The following ATRNL1 variants were observed in gnomAD, a reference collection of about 807,000 sequenced individuals.
The protein encoded by ATRNL1 is attractin like 1.
A neutral mutation model predicts 182.7 loss-of-function variants in ATRNL1; 95 were observed. That is an observed-to-expected ratio of 0.52 (90% CI 0.44 to 0.62). The LOEUF is 0.62. Ranked by LOEUF, ATRNL1 falls within the 20% of genes least tolerant of loss-of-function variation. The probability of loss-of-function intolerance (pLI) is 0.00; values close to 1 mark genes in which losing one functional copy is unlikely to be tolerated. For missense variants in ATRNL1, 1,471 were observed against 1,679.5 expected, an observed-to-expected ratio of 0.88 and a Z score of 2.17; for synonymous variants, 576 against 568.3, an observed-to-expected ratio of 1.01 and a Z score of -0.19.
At chr10:115,713,545 T>G (rs1403452230) in intron 26 of ATRNL1, among the ~76,000 whole-genome samples, 3 of 151,790 alleles carry the variant, frequency 2.0e-5, no homozygotes, top group Non-Finnish European at 2.9e-5. Context: ...AAATTTTAGG[T>G]AAAGGAACTA....
chr10:115,306,796 CT>C (rs1271850105), intron 17 of ATRNL1, among the ~76,000 whole-genome samples: 1 of 151,740 alleles, frequency 6.6e-6, no homozygotes, highest in African/African-American at 2.4e-5. Flanking sequence ...TCCTTTGAGA[CT>C]TTTTATTTAT....
chr10:115,934,367 C>A (rs1481740726), intron 28 of ATRNL1, among the ~76,000 whole-genome samples: 2 of 152,164 alleles, frequency 1.3e-5, no homozygotes, highest in African/African-American at 4.8e-5. Flanking sequence ...ACTCCCAATT[C>A]TGCATCTCTG....
At chr10:115,720,298 T>C (rs2134041795) in intron 26 of ATRNL1, among the ~76,000 whole-genome samples, 1 of 152,264 alleles carries the variant, frequency 6.6e-6, no homozygotes, top group South Asian at 2.1e-4. Context: ...TTGTCTCCCA[T>C]GATGTTTAAG....
In ATRNL1 at chr10:115,532,339, C is replaced by A. The variant is rs1408946898; in HGVS notation, c.3716+13015C>A. 3.3e-5 allele frequency among the ~76,000 whole-genome samples: 5 copies of A among 152,044 alleles called. No individual in the cohort carries two copies. In the East Asian group the frequency reaches 9.6e-4, roughly 29 times the overall value. On this transcript the variant is annotated intron_variant, in intron 25 of 28. Coordinates refer to ENST00000355044, the MANE Select transcript of ATRNL1 (RefSeq NM_207303.4). Reference sequence around the variant, plus strand: ...GTTTGTAGTTCTCCTTGAAGAGGTCCTTCACATCCCTTGTAAGTTGGATTC... The same window carrying A: ...GTTTGTAGTTCTCCTTGAAGAGGTCATTCACATCCCTTGTAAGTTGGATTC...
intron 26 of ATRNL1, among the ~76,000 whole-genome samples, chr10:115,696,865 C>G (rs1459032777): frequency 1.5e-5 from 2 of 133,512 alleles, no homozygotes; most frequent in Non-Finnish European, 3.1e-5. Context: ...CATCACATAT[C>G]AGAGCGAGAG....
chr10:115,375,288 C>A (rs1378853544), intron 19 of ATRNL1, among the ~76,000 whole-genome samples: 7 of 151,742 alleles, frequency 4.6e-5, no homozygotes, highest in Admixed American at 3.9e-4. Context: ...GATATAGCCA[C>A]CCCTGATCTC....
chr10:115,386,021 A>C (rs1858327495), intron 19 of ATRNL1, among the ~76,000 whole-genome samples: 1 of 151,912 alleles, frequency 6.6e-6, no homozygotes, highest in African/African-American at 2.4e-5. Flanking sequence ...TCTTTTTTAA[A>C]TGCTTTTTTT....
At chr10:115,525,274 C>A (rs1851150956) in intron 25 of ATRNL1, among the ~76,000 whole-genome samples, 1 of 152,170 alleles carries the variant, frequency 6.6e-6, no homozygotes, top group Non-Finnish European at 1.5e-5. Context: ...ATAATCCCTA[C>A]AACTCTTTGT....
intron 20 of ATRNL1, among the ~76,000 whole-genome samples, chr10:115,412,059 T>C (rs1351387997): frequency 6.6e-6 from 1 of 152,166 alleles, no homozygotes; most frequent in Non-Finnish European, 1.5e-5. Flanking sequence ...ATATTACTCC[T>C]ATTATTTTGT....
At chr10:115,923,304 G>T (rs1440341070) in intron 28 of ATRNL1, among the ~76,000 whole-genome samples, 2 of 152,134 alleles carry the variant, frequency 1.3e-5, no homozygotes, top group African/African-American at 4.8e-5. Context: ...TTTACTTTAA[G>T]TTCTGGGACA....
intron 26 of ATRNL1, among the ~76,000 whole-genome samples, chr10:115,611,576 GAAAT>G (rs1555019010): frequency 6.6e-6 from 1 of 151,858 alleles, no homozygotes; most frequent in African/African-American, 2.4e-5. Context: ...TTGTAGTGAG[GAAAT>G]AAATATTTTT....
At chr10:115,351,636 C>T (rs1856255422) in intron 19 of ATRNL1, among the ~76,000 whole-genome samples, 1 of 152,042 alleles carries the variant, frequency 6.6e-6, no homozygotes, top group Non-Finnish European at 1.5e-5. Context: ...TACTTCATTA[C>T]GATGAATGAT....
chr10:115,580,943 A>G (rs1273050787), intron 26 of ATRNL1, among the ~76,000 whole-genome samples: 4 of 152,086 alleles, frequency 2.6e-5, no homozygotes, highest in African/African-American at 9.7e-5. Context: ...CTTGTCATGC[A>G]TTGTTTCCCT....
At chr10:115,357,352 A>G (rs79300146) in intron 19 of ATRNL1, among the ~76,000 whole-genome samples, 7 of 151,824 alleles carry the variant, frequency 4.6e-5, no homozygotes, top group African/African-American at 1.7e-4. Flanking sequence ...TATTTGTACA[A>G]TTTTTTCAAA....
chr10:115,940,649 G>A (rs1332285027), intron 28 of ATRNL1, among the ~76,000 whole-genome samples: 1 of 151,660 alleles, frequency 6.6e-6, no homozygotes, highest in Non-Finnish European at 1.5e-5. Flanking sequence ...AACAAAGTGT[G>A]CTGAAAGGCA....
chr10:115,359,044 T>A (rs370547301), intron 19 of ATRNL1, among the ~76,000 whole-genome samples: 3 of 151,664 alleles, frequency 2.0e-5, no homozygotes, highest in Admixed American at 6.6e-5. Context: ...GCCTTTGAAC[T>A]CAAATTACTC....
chr10:115,482,843 T>C (rs1848834223), intron 24 of ATRNL1, among the ~76,000 whole-genome samples: 1 of 151,192 alleles, frequency 6.6e-6, no homozygotes, highest in African/African-American at 2.4e-5. Flanking sequence ...AAGTTAGAGG[T>C]GAAGGTCTTA....
At position 115,811,620 on chromosome 10, in the gene ATRNL1, A is replaced by C. The variant is rs541671787; in HGVS notation, c.3904-36257A>C. ...TGTATATTCTATCAGTTTTTGCTTC[A>C]TGTATTTTGAAGCTCTGTTATCTTT... is the stretch of plus-strand genomic sequence containing the variant. On this transcript the variant is annotated intron_variant, in intron 27 of 28. Transcript: ENST00000355044. 1.8e-3 allele frequency among the ~76,000 whole-genome samples: 281 copies of C among 152,048 alleles called. 1 individual carries two copies. Among genetic ancestry groups the C allele is most frequent in the Admixed American group, 3.9e-3 (60 of 15,278 alleles).
At chr10:115,395,007 CT>C (rs1844214777) in intron 20 of ATRNL1, among the ~76,000 whole-genome samples, 1 of 151,794 alleles carries the variant, frequency 6.6e-6, no homozygotes, top group Non-Finnish European at 1.5e-5. Context: ...TTTTAAAGTA[CT>C]TTTTCCCCTT....
Sources: gnomAD v4.1 joint callset for allele counts (sites outside exome capture counted in the v4.1 genomes callset) on GRCh38, gnomAD v4.1.1 for gene constraint, MANE v1.5 for transcripts, NCBI Gene and HGNC (gene_info 2026-07-23, HGNC 2026-07-21) for gene names.